JAKMIP1: variants seen among roughly 807,000 people sequenced by gnomAD.
JAKMIP1 encodes janus kinase and microtubule interacting protein 1.
JAKMIP1 carries 33 observed loss-of-function variants against 113.0 expected under a neutral mutation model. The ratio of observed to expected loss-of-function variants is 0.29; its 90% CI spans 0.22 to 0.39. The LOEUF (loss-of-function observed/expected upper bound fraction) is 0.39, where lower values mean the gene tolerates loss of function less well. Among genes scored for constraint, JAKMIP1 ranks in the 10% least tolerant of loss-of-function variants. The pLI is 1.00. For synonymous variants in JAKMIP1, 480 were observed against 459.9 expected, an observed-to-expected ratio of 1.04 and a Z score of -0.56; for missense variants, 813 against 1,080.5, an observed-to-expected ratio of 0.75 and a Z score of 3.47.
In JAKMIP1 at chr4:6,031,035, G is replaced by C. The variant is rs1426435456; in HGVS notation, c.2380-1254C>G. On this transcript the variant is annotated intron_variant, in intron 19 of 20. Coordinates refer to ENST00000409021, the MANE Select transcript of JAKMIP1 (RefSeq NM_001099433.2). The surrounding 1 kb of genome is among the most constrained non-coding windows in gnomAD (Gnocchi z 4.4). Reference sequence around the variant, plus strand: ...TATGCCTGGGCCTGTTCCAGTCCTGGAGAGAAAGACAAAGTCCCTCCCCTT... The same window carrying C: ...TATGCCTGGGCCTGTTCCAGTCCTGCAGAGAAAGACAAAGTCCCTCCCCTT... Among the ~76,000 whole-genome samples, 2 of 152,188 alleles carry C rather than the reference G, an allele frequency of 1.3e-5. No homozygotes were observed. The highest frequency in any genetic ancestry group is 2.9e-5 in the Non-Finnish European group (2 of 68,028).
At chr4:6,160,640 G>A (rs769884824) in intron 1 of JAKMIP1, among the ~76,000 whole-genome samples, 6 of 151,834 alleles carry the variant, frequency 4.0e-5, no homozygotes, top group South Asian at 2.1e-4. Flanking sequence ...CTCTCAACAC[G>A]CTTGCTCATC....
chr4:6,098,009 A>C (rs1712120320), intron 3 of JAKMIP1, among the ~76,000 whole-genome samples: 2 of 152,258 alleles, frequency 1.3e-5, no homozygotes, highest in African/African-American at 4.8e-5. Context: ...CAGAGATAAC[A>C]AAAGTGTAGT....
chr4:6,191,085 C>A (rs1231689432), intron 1 of JAKMIP1, among the ~76,000 whole-genome samples: 1 of 152,182 alleles, frequency 6.6e-6, no homozygotes, highest in Non-Finnish European at 1.5e-5. Flanking sequence ...CTCTTCAATC[C>A]TGGTGCAATT....
chr4:6,034,744 G>A (rs1248670831), intron 19 of JAKMIP1, among the ~76,000 whole-genome samples: 1 of 152,104 alleles, frequency 6.6e-6, no homozygotes, highest in South Asian at 2.1e-4. Context: ...GAGGTTGCAG[G>A]GAGCTGAGAT....
chr4:6,058,831 T>C (rs1350445967), intron 11 of JAKMIP1, among the ~76,000 whole-genome samples: 1 of 152,182 alleles, frequency 6.6e-6, no homozygotes, highest in African/African-American at 2.4e-5. Context: ...CTAAGTTAGT[T>C]ATAGACTGTG....
intron 3 of JAKMIP1, among the ~76,000 whole-genome samples, chr4:6,098,568 A>AAGAAAGAAAG (rs1553831667): frequency 0.023 from 827 of 35,400 alleles, 20 homozygotes; most frequent in African/African-American, 0.067. Context: ...GAAAGAAAGA[A>AAGAAAGAAAG]AGAAAGAAAG....
Position 6,051,656 on chromosome 4 carries a change from A to T in JAKMIP1, c.1807-977T>A, listed in dbSNP as rs1334574119. 6.6e-6 allele frequency among the ~76,000 whole-genome samples: 1 copy of T among 152,256 alleles called. No homozygotes were observed. The highest frequency in any genetic ancestry group is 1.5e-5 in the Non-Finnish European group (1 of 68,038). Reference sequence around the variant, plus strand: ...CTACCCCTGCCTTAGACTTACAGCAAAGCTCAATTAATTACTAAGGGAGGA... The same window carrying T: ...CTACCCCTGCCTTAGACTTACAGCATAGCTCAATTAATTACTAAGGGAGGA... On this transcript the variant is annotated intron_variant, in intron 13 of 20. Coordinates refer to ENST00000409021, the MANE Select transcript of JAKMIP1 (RefSeq NM_001099433.2). The surrounding 1 kb of genome is among the most constrained non-coding windows in gnomAD (Gnocchi z 5.0).
At chr4:6,173,259 G>C (rs566420056) in intron 1 of JAKMIP1, among the ~76,000 whole-genome samples, 6 of 152,294 alleles carry the variant, frequency 3.9e-5, no homozygotes, top group African/African-American at 1.4e-4. Flanking sequence ...CTATTTCAGT[G>C]ATCTTACAAG....
At position 6,129,283 on chromosome 4, in the gene JAKMIP1, A is replaced by G. The variant is rs1355545470; in HGVS notation, c.-147-16286T>C. 6.6e-6 allele frequency among the ~76,000 whole-genome samples: 1 copy of G among 152,190 alleles called. No homozygotes were observed. The highest frequency in any genetic ancestry group is 1.5e-5 in the Non-Finnish European group (1 of 68,026). Reference sequence around the variant, plus strand: ...AGTACAACTGGACAAGAGCTGGCACATGTGTGGTCAGATGCTGGGCGTGGC... The same window carrying G: ...AGTACAACTGGACAAGAGCTGGCACGTGTGTGGTCAGATGCTGGGCGTGGC... On this transcript the variant is annotated intron_variant, in intron 1 of 20. Coordinates refer to ENST00000409021, the MANE Select transcript of JAKMIP1 (RefSeq NM_001099433.2). This position sits in a 1 kb window ranked among gnomAD's most constrained non-coding sequence, Gnocchi z 5.4.
chr4:6,052,701 G>A (rs1715817600), intron 13 of JAKMIP1, among the ~76,000 whole-genome samples: 1 of 149,038 alleles, frequency 6.7e-6, no homozygotes, highest in Non-Finnish European at 1.5e-5. Context: ...TGGTTCTGAA[G>A]GATGGTGGAG....
chr4:6,079,069 A>C, intron 7 of JAKMIP1, 71 bp from the exon 8 acceptor site: 4 of 1,556,180 alleles, frequency 2.6e-6, no homozygotes, highest in Non-Finnish European at 3.5e-6. Context: ...ACTGGCTCTC[A>C]AAGGGAGCTG....
chr4:6,137,832 G>A lies in JAKMIP1; in HGVS notation c.-147-24835C>T, dbSNP rs565286287. On this transcript the variant is annotated intron_variant, in intron 1 of 20. Coordinates refer to ENST00000409021, the MANE Select transcript of JAKMIP1 (RefSeq NM_001099433.2). This position sits in a 1 kb window ranked among gnomAD's most constrained non-coding sequence, Gnocchi z 4.5. ...GACAAGGTGCCCACTGGCTGGCATGGGCCTGGCAGACAAGGTGTGCTCTGG... is the reference window on the plus strand; with the variant it reads ...GACAAGGTGCCCACTGGCTGGCATGAGCCTGGCAGACAAGGTGTGCTCTGG... Among the ~76,000 whole-genome samples, 9 of 152,320 alleles carry A rather than the reference G, an allele frequency of 5.9e-5. No individual in the cohort carries two copies. Among genetic ancestry groups the A allele is most frequent in the Admixed American group, 6.5e-5 (1 of 15,302 alleles).
At position 6,059,145 on chromosome 4, in the gene JAKMIP1, G is replaced by A. The variant is rs111670443; in HGVS notation, c.1644+1279C>T. Among the ~76,000 whole-genome samples, 158 of 152,266 alleles carry A rather than the reference G, an allele frequency of 1.0e-3. No individual in the cohort carries two copies. The highest frequency in any genetic ancestry group is 3.6e-3 in the African/African-American group (149 of 41,546). ...GTGAGCTCTGCGTCACGATCCCACC[G>A]CATGGAGGATGCAGACCACAGTTTA... On this transcript the variant is annotated intron_variant, in intron 11 of 20. Transcript: ENST00000409021. The surrounding 1 kb of genome is among the most constrained non-coding windows in gnomAD (Gnocchi z 4.8).
Position 6,042,162 on chromosome 4 carries a change from C to G in JAKMIP1, c.2094G>C (p.Glu698Asp). The G allele has an allele frequency of 2.5e-6, 4 of 1,613,708 alleles. No homozygotes were observed. The highest frequency in any genetic ancestry group is 3.4e-6 in the Non-Finnish European group (4 of 1,179,654). The change falls in exon 17 of 21, where the codon GAG becomes GAC. Residue 698 changes from glutamate (E) to aspartate (D), a missense_variant. This residue lies in a region of JAKMIP1 where 273 missense variants were observed against 426.6 expected (regional missense o/e 0.64). Transcript: ENST00000409021. This position sits in a 1 kb window ranked among gnomAD's most constrained non-coding sequence, Gnocchi z 5.2. ...LTQKMLDLEK[E>D]KDLFSRQKGY... ...CCCAGGCAGTCAAATCTTTTACCTT[C>G]TCCTTCTCCAGGTCCAGCATCTTCT... is the stretch of plus-strand genomic sequence containing the variant.
intron 8 of JAKMIP1, among the ~76,000 whole-genome samples, chr4:6,072,344 A>C (rs373656522): frequency 2.0e-4 from 30 of 152,306 alleles, no homozygotes; most frequent in African/African-American, 7.0e-4. Context: ...ATTGATTGAG[A>C]GCTGCCTCAG....
chr4:6,092,180 G>A lies in JAKMIP1; in HGVS notation c.625-6551C>T, dbSNP rs77457731. ...GTGTCCCGCCCCCTCCCTCCCAGCCGTCCTCACCTGAAGAGCACACTCCAG... is the reference window on the plus strand; with the variant it reads ...GTGTCCCGCCCCCTCCCTCCCAGCCATCCTCACCTGAAGAGCACACTCCAG... On this transcript the variant is annotated intron_variant, in intron 3 of 20. Coordinates refer to ENST00000409021, the MANE Select transcript of JAKMIP1 (RefSeq NM_001099433.2). Among the ~76,000 whole-genome samples, 960 of 147,920 alleles carry A rather than the reference G, an allele frequency of 6.5e-3. 14 individuals carry two copies. The highest frequency in any genetic ancestry group is 0.022 in the African/African-American group (877 of 40,752).
In JAKMIP1 at chr4:6,059,396, G is replaced by A. The variant is rs758993942; in HGVS notation, c.1644+1028C>T. On this transcript the variant is annotated intron_variant, in intron 11 of 20. Coordinates refer to ENST00000409021, the MANE Select transcript of JAKMIP1 (RefSeq NM_001099433.2). This position sits in a 1 kb window ranked among gnomAD's most constrained non-coding sequence, Gnocchi z 4.8. The stretch of plus-strand genomic sequence containing the variant: ...CTTCTGGAGCTGCTTCTGTTAAGCC[G>A]CCTGGAACCTCTTACACCCCTTGCT... 2.6e-5 allele frequency among the ~76,000 whole-genome samples: 4 copies of A among 152,086 alleles called. No individual in the cohort carries two copies. The highest frequency in any genetic ancestry group is 4.8e-5 in the African/African-American group (2 of 41,428).
chr4:6,115,281 G>A (rs949028286), intron 1 of JAKMIP1, among the ~76,000 whole-genome samples: 19 of 152,254 alleles, frequency 1.2e-4, no homozygotes, highest in South Asian at 6.2e-4. Context: ...GTGGTGGTGC[G>A]CACCTGTAAT....
In JAKMIP1 at chr4:6,197,040, G is replaced by A. The variant is rs138057995; in HGVS notation, c.-148+3213C>T. On this transcript the variant is annotated intron_variant, in intron 1 of 20. Coordinates refer to ENST00000409021, the MANE Select transcript of JAKMIP1 (RefSeq NM_001099433.2). The surrounding 1 kb of genome is among the most constrained non-coding windows in gnomAD (Gnocchi z 6.5). ...TGTCCTGAGACTTGGCTCCCTCTGCGGTGTTCACGTAGACCTCACCCTGTG... is the reference window on the plus strand; with the variant it reads ...TGTCCTGAGACTTGGCTCCCTCTGCAGTGTTCACGTAGACCTCACCCTGTG... Among the ~76,000 whole-genome samples, 22 of 152,246 alleles carry A rather than the reference G, an allele frequency of 1.4e-4. No individual in the cohort carries two copies. The East Asian group carries it at 3.5e-3, about 24-fold the overall frequency.
Sources: allele counts gnomAD v4.1 joint callset (sites outside exome capture counted in the v4.1 genomes callset), GRCh38; gene constraint gnomAD v4.1.1; regional missense constraint gnomAD v4.1.1; non-coding constraint Gnocchi (gnomAD v3.1); transcripts MANE v1.5; gene names NCBI Gene and HGNC (gene_info 2026-07-23, HGNC 2026-07-21).